The following VWA3B variants were observed in gnomAD, a reference collection of about 807,000 sequenced individuals.
The protein encoded by VWA3B is von Willebrand factor A domain-containing protein 3B.
VWA3B carries 138 observed loss-of-function variants against 158.3 expected under a neutral mutation model. That is an observed-to-expected ratio of 0.87 (90% CI 0.76 to 1.00). VWA3B has a LOEUF of 1.00. VWA3B is among the 50% of genes least tolerant of loss of function. The probability of loss-of-function intolerance (pLI) is 0.00; values close to 1 mark genes in which losing one functional copy is unlikely to be tolerated. For synonymous variants in VWA3B, 596 were observed against 587.3 expected (o/e 1.01, Z -0.21); for missense variants, 1,555 against 1,565.1 (o/e 0.99, Z 0.11).
chr2:98,308,642 A>G (rs1690684597), intron 26 of VWA3B, among the ~76,000 whole-genome samples: 1 of 152,188 alleles, frequency 6.6e-6, no homozygotes, highest in Admixed American at 6.5e-5. Flanking sequence ...TGGCCAGGGC[A>G]GGGGGAGGCA....
chr2:98,230,774 A>G (rs1177791417), intron 16 of VWA3B, among the ~76,000 whole-genome samples: 4 of 152,242 alleles, frequency 2.6e-5, no homozygotes, highest in African/African-American at 9.7e-5. Context: ...ACCCTTATTC[A>G]GCATAGCACG....
the VWA3B span, among the ~76,000 whole-genome samples, chr2:98,330,060 C>T: frequency 2.0e-5 from 3 of 152,206 alleles, no homozygotes; most frequent in Non-Finnish European, 4.4e-5. Flanking sequence ...AGAAACATCA[C>T]ATACCCTACA....
At chr2:98,194,541 G>A in intron 12 of VWA3B, 49 bp downstream of exon 12, 1 of 1,590,056 alleles carries the variant, frequency 6.3e-7, no homozygotes, top group African/African-American at 1.3e-5. Context: ...TCTCTCACCT[G>A]TGTACTGAGT....
chr2:98,101,849 T>C (rs1376773826), intron 2 of VWA3B, among the ~76,000 whole-genome samples: 3 of 151,398 alleles, frequency 2.0e-5, no homozygotes, highest in African/African-American at 4.8e-5. Flanking sequence ...TGCATGTTTA[T>C]ATTTTTTTAT....
intron 12 of VWA3B, among the ~76,000 whole-genome samples, chr2:98,197,993 G>GA (rs896960737): frequency 6.6e-6 from 1 of 151,156 alleles, no homozygotes; most frequent in Non-Finnish European, 1.5e-5. Flanking sequence ...TATATACATA[G>GA]AAAATATCTA....
At chr2:98,108,745 C>T (rs559230171) in intron 2 of VWA3B, among the ~76,000 whole-genome samples, 45 of 151,996 alleles carry the variant, frequency 3.0e-4, no homozygotes, top group African/African-American at 1.0e-3. Flanking sequence ...ATATTTGAAG[C>T]AAATTTCCTG....
intron 22 of VWA3B, 96 bp from the exon 23 acceptor site, chr2:98,290,402 TGGATGGGGACACA>T: frequency 2.0e-5 from 16 of 794,798 alleles, no homozygotes; most frequent in Non-Finnish European, 3.2e-5. Context: ...ACATGAGATT[TGGATGGGGACACA>T]GAGCCAAACC....
intron 22 of VWA3B, among the ~76,000 whole-genome samples, chr2:98,289,154 A>G (rs916441135): frequency 3.3e-5 from 5 of 151,618 alleles, no homozygotes; most frequent in African/African-American, 1.2e-4. Flanking sequence ...TTTCTCCTTC[A>G]GTATGTAAAA....
chr2:98,309,493 C>A (rs1169004534), intron 26 of VWA3B, among the ~76,000 whole-genome samples: 2 of 152,158 alleles, frequency 1.3e-5, no homozygotes, highest in Non-Finnish European at 1.5e-5. Context: ...CCCCACAATT[C>A]CTGTTACACA....
rs149428348 is a variant in VWA3B at position 98,264,019 on chromosome 2, G to A, written c.2844-6663G>A. On this transcript the variant is annotated intron_variant, in intron 21 of 27. Coordinates refer to ENST00000477737, the MANE Select transcript of VWA3B (RefSeq NM_144992.5). ...TTTCTTCTTGGTTATGCAATTTGTC[G>A]GTGTAATATTGCTCTTAGTAGTCTC... 3.4e-3 allele frequency among the ~76,000 whole-genome samples: 513 copies of A among 151,526 alleles called. 2 individuals are homozygous for A. Among genetic ancestry groups the A allele is most frequent in the African/African-American group, 0.011 (463 of 41,358 alleles).
chr2:98,275,219 G>A (rs1172917497), intron 22 of VWA3B, among the ~76,000 whole-genome samples: 1 of 152,226 alleles, frequency 6.6e-6, no homozygotes, highest in Non-Finnish European at 1.5e-5. Context: ...ATGAATAAAT[G>A]AAAGAACAAA....
At chr2:98,303,577 T>A in intron 25 of VWA3B, 125 bp from the exon 26 acceptor site, 1 of 852,060 alleles carries the variant, frequency 1.2e-6, no homozygotes, top group Non-Finnish European at 1.8e-6. Flanking sequence ...ACTACTCTTT[T>A]AAGTGTCACC....
chr2:98,230,663 C>T (rs1024815723), intron 16 of VWA3B, among the ~76,000 whole-genome samples: 1 of 152,112 alleles, frequency 6.6e-6, no homozygotes, highest in Non-Finnish European at 1.5e-5. Context: ...TAACCACACC[C>T]ACCTCCCTTG....
At chr2:98,329,581 A>G in the VWA3B span, among the ~76,000 whole-genome samples, 3 of 151,148 alleles carry the variant, frequency 2.0e-5, no homozygotes, top group Admixed American at 2.0e-4. Context: ...GATCTCCATC[A>G]TTAGCCATCA....
At chr2:98,155,492 C>A (rs1318446857) in intron 7 of VWA3B, among the ~76,000 whole-genome samples, 1 of 152,124 alleles carries the variant, frequency 6.6e-6, no homozygotes, top group Non-Finnish European at 1.5e-5. Context: ...TGGCCTTGGG[C>A]AAATTTCTCT....
intron 8 of VWA3B, among the ~76,000 whole-genome samples, chr2:98,178,400 A>T (rs563418893): frequency 6.6e-6 from 1 of 152,272 alleles, no homozygotes; most frequent in South Asian, 2.1e-4. Flanking sequence ...ATTCAAGGAC[A>T]TGGGTCTCAT....
At chr2:98,318,191 T>A (rs987600119), downstream of VWA3B, among the ~76,000 whole-genome samples, 1 of 152,128 alleles carries the variant, frequency 6.6e-6, no homozygotes, top group African/African-American at 2.4e-5. Context: ...AAGACAGAAA[T>A]ACAATTTGAC....
Position 98,100,748 on chromosome 2 carries a change from T to G in VWA3B, c.196+7460T>G, listed in dbSNP as rs568468628. On this transcript the variant is annotated intron_variant, in intron 2 of 27. Transcript: ENST00000477737. ...AGGTAAAGTCCTATTCTTTCTTCCC[T>G]GTCTTTTGCCCAGATAGTGGTATTT... is the stretch of plus-strand genomic sequence containing the variant. 3.9e-5 allele frequency among the ~76,000 whole-genome samples: 6 copies of G among 152,328 alleles called. No homozygotes were observed. In the South Asian group the frequency reaches 1.0e-3, roughly 26 times the overall value.
the VWA3B span, among the ~76,000 whole-genome samples, chr2:98,325,448 T>C: frequency 1.3e-5 from 2 of 152,034 alleles, no homozygotes; most frequent in Non-Finnish European, 2.9e-5. Flanking sequence ...CCTCAAAAAT[T>C]AGAGCAAAAT....
Sources: allele counts gnomAD v4.1 joint callset (sites outside exome capture counted in the v4.1 genomes callset), GRCh38; gene constraint gnomAD v4.1.1; transcripts MANE v1.5; gene names NCBI Gene and HGNC (gene_info 2026-07-23, HGNC 2026-07-21).